PRLR: variants seen among roughly 807,000 people sequenced by gnomAD.
The protein encoded by PRLR is prolactin receptor.
A neutral mutation model predicts 40.2 loss-of-function variants in PRLR; 13 were observed. That is an observed-to-expected ratio of 0.32 (90% CI 0.21 to 0.51). PRLR has a LOEUF of 0.51. Ranked by LOEUF, PRLR falls within the 20% of genes least tolerant of loss-of-function variation. The pLI is 0.97. For synonymous variants in PRLR, 269 were observed against 278.7 expected (o/e 0.97, Z 0.35); for missense variants, 656 against 747.3 (o/e 0.88, Z 1.42).
chr5:35,204,447 T>A (rs532753223), intron 1 of PRLR, among the ~76,000 whole-genome samples: 13 of 152,116 alleles, frequency 8.5e-5, no homozygotes, highest in African/African-American at 3.1e-4. Flanking sequence ...CAGCAGAGGG[T>A]ACTTACAGGA....
At chr5:35,184,200 T>C (rs1024321443) in intron 1 of PRLR, among the ~76,000 whole-genome samples, 2 of 152,186 alleles carry the variant, frequency 1.3e-5, no homozygotes, top group African/African-American at 4.8e-5. Flanking sequence ...TGAATTTAAG[T>C]GGGAGACCCT....
chr5:35,167,388 A>C (rs972654066), intron 1 of PRLR, among the ~76,000 whole-genome samples: 2 of 152,110 alleles, frequency 1.3e-5, no homozygotes, highest in Admixed American at 1.3e-4. Context: ...GGGGCTGCCA[A>C]TATGACTGAG....
chr5:35,075,217 C>A (rs902701838), intron 5 of PRLR, among the ~76,000 whole-genome samples: 1 of 152,026 alleles, frequency 6.6e-6, no homozygotes, highest in Admixed American at 6.6e-5. Context: ...GTCCATGGAG[C>A]GTGAGGCGAA....
At chr5:35,187,239 A>G (rs907956439) in intron 1 of PRLR, among the ~76,000 whole-genome samples, 9 of 152,084 alleles carry the variant, frequency 5.9e-5, no homozygotes, top group Non-Finnish European at 8.8e-5. Context: ...CATCTTTACT[A>G]AAAATACAAA....
intron 1 of PRLR, among the ~76,000 whole-genome samples, chr5:35,119,237 A>T (rs1251160486): frequency 6.6e-6 from 1 of 152,198 alleles, no homozygotes; most frequent in African/African-American, 2.4e-5. Context: ...TAAGTCTTCA[A>T]AATCCAGAAT....
At position 35,159,019 on chromosome 5, in the gene PRLR, T is replaced by C. The variant is rs112760586; in HGVS notation, c.-105-40897A>G. On this transcript the variant is annotated intron_variant, in intron 1 of 9. Transcript: ENST00000618457. ...TCTGTTTGAGTTAGGTTTCTGACACTTACAACCAAAAAGTCTTGATAACAA... is the reference window on the plus strand; with the variant it reads ...TCTGTTTGAGTTAGGTTTCTGACACCTACAACCAAAAAGTCTTGATAACAA... 2.5e-3 allele frequency among the ~76,000 whole-genome samples: 380 copies of C among 152,280 alleles called. 2 individuals are homozygous for C. The highest frequency in any genetic ancestry group is 8.7e-3 in the African/African-American group (363 of 41,550).
chr5:35,169,526 A>G (rs1351988412), intron 1 of PRLR, among the ~76,000 whole-genome samples: 1 of 152,198 alleles, frequency 6.6e-6, no homozygotes, highest in East Asian at 1.9e-4. Flanking sequence ...CTGGATCCCT[A>G]CCAAAAGGTT....
At chr5:35,099,388 G>T (rs1406857692) in intron 2 of PRLR, among the ~76,000 whole-genome samples, 1 of 152,172 alleles carries the variant, frequency 6.6e-6, no homozygotes, top group Admixed American at 6.5e-5. Context: ...GGTGACACTG[G>T]TGTAAACAAA....
In PRLR at chr5:35,061,677, CT is replaced by C. The variant is rs1293937412; in HGVS notation, c.*3411del. 1.3e-5 allele frequency: 2 copies of C among 152,196 alleles called. No individual in the cohort carries two copies. The highest frequency in any genetic ancestry group is 2.9e-5 in the Non-Finnish European group (2 of 68,034). 9.4% of individuals were successfully genotyped at this position (152,196 alleles called of 1,614,324 possible). ...TGTTAGAATGAATTGGAACATCTTGCTGTTCAGGTTGTAAGCTACACAAATC... is the reference window on the plus strand; with the variant it reads ...TGTTAGAATGAATTGGAACATCTTGCGTTCAGGTTGTAAGCTACACAAATC... On this transcript the variant is annotated 3_prime_UTR_variant, in exon 10 of 10. Transcript: ENST00000618457.
At chr5:35,086,404 T>A in intron 3 of PRLR, 64 bp from the exon 4 acceptor site, 4 of 1,582,234 alleles carry the variant, frequency 2.5e-6, no homozygotes, top group Non-Finnish European at 3.4e-6. Context: ...ACCCTTCTGC[T>A]GGTGACAGAA....
intron 9 of PRLR, 78 bp from the exon 10 acceptor site, chr5:35,066,180 T>C (rs1216656648): frequency 3.6e-6 from 5 of 1,374,546 alleles, no homozygotes; most frequent in Non-Finnish European, 4.9e-6. Context: ...TAAGTGGTGC[T>C]GTTCATTGCC....
At chr5:35,105,667 G>A (rs1372539648) in intron 2 of PRLR, among the ~76,000 whole-genome samples, 1 of 152,092 alleles carries the variant, frequency 6.6e-6, no homozygotes, top group Non-Finnish European at 1.5e-5. Context: ...AGTGAGAAGA[G>A]AAGTTTAGAG....
At chr5:35,055,050 G>A (rs965381864), downstream of PRLR, among the ~76,000 whole-genome samples, 7 of 152,094 alleles carry the variant, frequency 4.6e-5, no homozygotes, top group African/African-American at 1.7e-4. Flanking sequence ...ATGAGCCTTT[G>A]TTATGTTTTT....
intron 1 of PRLR, among the ~76,000 whole-genome samples, chr5:35,162,921 G>A (rs143337433): frequency 6.6e-6 from 1 of 152,172 alleles, no homozygotes; most frequent in Non-Finnish European, 1.5e-5. Context: ...GAGTTAATTT[G>A]CCTCTATTTT....
chr5:35,119,472 C>A (rs1339887015), intron 1 of PRLR, among the ~76,000 whole-genome samples: 1 of 151,986 alleles, frequency 6.6e-6, no homozygotes, highest in Admixed American at 6.6e-5. Context: ...GAAGTCTTTA[C>A]AATCAGAGGC....
intron 5 of PRLR, among the ~76,000 whole-genome samples, chr5:35,080,530 A>T (rs1561277677): frequency 1.3e-5 from 2 of 152,220 alleles, no homozygotes; most frequent in Non-Finnish European, 2.9e-5. Flanking sequence ...ATCATTAAAA[A>T]GTCAGGAAAC....
At chr5:35,223,283 T>C (rs779357527) in intron 1 of PRLR, among the ~76,000 whole-genome samples, 10 of 152,224 alleles carry the variant, frequency 6.6e-5, no homozygotes, top group Non-Finnish European at 1.2e-4. Context: ...GATTCTCAAC[T>C]CTGACTTCAC....
intron 1 of PRLR, among the ~76,000 whole-genome samples, chr5:35,183,007 T>C (rs1775331487): frequency 6.6e-6 from 1 of 152,206 alleles, no homozygotes; most frequent in Admixed American, 6.5e-5. Context: ...ACCATGCTCA[T>C]AGTTAGCAAC....
At chr5:35,075,364 T>C (rs1770011317) in intron 5 of PRLR, among the ~76,000 whole-genome samples, 1 of 152,216 alleles carries the variant, frequency 6.6e-6, no homozygotes. Flanking sequence ...CCAACAGTCT[T>C]AGCAAATGGC....
Sources: allele counts gnomAD v4.1 joint callset (sites outside exome capture counted in the v4.1 genomes callset), GRCh38; gene constraint gnomAD v4.1.1; transcripts MANE v1.5; gene names NCBI Gene and HGNC (gene_info 2026-07-23, HGNC 2026-07-21).